The following SEZ6L variants were observed in gnomAD, a reference collection of about 807,000 sequenced individuals.
SEZ6L encodes seizure related 6 homolog like.
A neutral mutation model predicts 106.2 loss-of-function variants in SEZ6L; 37 were observed. The ratio of observed to expected loss-of-function variants is 0.35; its 90% confidence interval spans 0.27 to 0.46. The LOEUF is 0.46. Among genes scored for constraint, SEZ6L ranks in the 20% least tolerant of loss-of-function variants. The pLI, the probability that SEZ6L is intolerant of heterozygous loss-of-function variation, is 1.00. For missense variants in SEZ6L, 1,172 were observed against 1,332.8 expected (o/e 0.88, Z 1.88); for synonymous variants, 541 against 570.4 (o/e 0.95, Z 0.73).
chr22:26,277,025 A>G (rs1483411270), intron 1 of SEZ6L, among the ~76,000 whole-genome samples: 1 of 152,156 alleles, frequency 6.6e-6, no homozygotes, highest in Non-Finnish European at 1.5e-5. Context: ...TGAATTACAA[A>G]GGAGGCCCAT....
intron 10 of SEZ6L, among the ~76,000 whole-genome samples, chr22:26,341,295 T>G (rs1287878065): frequency 6.6e-6 from 1 of 152,082 alleles, no homozygotes; most frequent in African/African-American, 2.4e-5. Context: ...TGCTATCAAA[T>G]TCAAGCTAAG....
chr22:26,313,381 C>T (rs991157932), intron 8 of SEZ6L, among the ~76,000 whole-genome samples: 7 of 152,078 alleles, frequency 4.6e-5, no homozygotes, highest in African/African-American at 7.2e-5. Context: ...ATTGGGACCC[C>T]GGGACCACCT....
chr22:26,315,647 G>A (rs983803246), intron 9 of SEZ6L, among the ~76,000 whole-genome samples: 1 of 152,038 alleles, frequency 6.6e-6, no homozygotes, highest in Admixed American at 6.5e-5. Context: ...ACCTGTTCTC[G>A]CCTCTCTCTG....
At chr22:26,371,011 A>T (rs1168332080) in intron 13 of SEZ6L, among the ~76,000 whole-genome samples, 2 of 151,654 alleles carry the variant, frequency 1.3e-5, no homozygotes, top group African/African-American at 4.8e-5. Context: ...ATCACAAAAA[A>T]AAAAAAAAAA....
chr22:26,320,153 TC>T (rs1430952518), intron 9 of SEZ6L, among the ~76,000 whole-genome samples: 2 of 152,182 alleles, frequency 1.3e-5, no homozygotes, highest in African/African-American at 4.8e-5. Flanking sequence ...AAAGGATGTG[TC>T]ATCATGGACC....
intron 16 of SEZ6L, among the ~76,000 whole-genome samples, chr22:26,378,810 G>A (rs901027887): frequency 5.3e-5 from 8 of 152,176 alleles, no homozygotes; most frequent in African/African-American, 9.7e-5. Flanking sequence ...ATCTCCCAAC[G>A]TTTGGGGGGA....
intron 1 of SEZ6L, among the ~76,000 whole-genome samples, chr22:26,273,240 C>A (rs1411497376): frequency 6.6e-6 from 1 of 152,244 alleles, no homozygotes; most frequent in African/African-American, 2.4e-5. Flanking sequence ...TTTCCCCCAC[C>A]CCAGGACAAT....
intron 1 of SEZ6L, among the ~76,000 whole-genome samples, chr22:26,212,221 A>T (rs2078181054): frequency 1.3e-5 from 2 of 152,172 alleles, no homozygotes; most frequent in South Asian, 4.1e-4. Context: ...GGCCTTTCAG[A>T]TCATGGCACG....
rs184155889 is a variant in SEZ6L, at chr22:26,335,006, T to C, written c.2016-5430T>C. ...TCTAGCTGACATCTCAATTCAGACC[T>C]CAGCGGAAAACCACACTCTGCCCTG... On this transcript the variant is annotated intron_variant, in intron 9 of 16. Coordinates refer to ENST00000248933, the MANE Select transcript of SEZ6L (RefSeq NM_021115.5). Among the ~76,000 whole-genome samples the C allele has an allele frequency of 1.3e-4, 20 of 152,284 alleles. No homozygotes were observed. In the East Asian group the frequency reaches 3.9e-3, roughly 29 times the overall value.
At chr22:26,286,023 G>T (rs183097293) in intron 1 of SEZ6L, among the ~76,000 whole-genome samples, 1 of 152,208 alleles carries the variant, frequency 6.6e-6, no homozygotes, top group Admixed American at 6.5e-5. Context: ...ATCAAGGCAG[G>T]TTGGGCGAGT....
chr22:26,295,616 G>A (rs1232981915), intron 3 of SEZ6L, among the ~76,000 whole-genome samples: 1 of 152,146 alleles, frequency 6.6e-6, no homozygotes, highest in South Asian at 2.1e-4. Flanking sequence ...GATTATTATA[G>A]TGCTTAAGAA....
At chr22:26,319,448 G>A (rs987922534) in intron 9 of SEZ6L, among the ~76,000 whole-genome samples, 2 of 152,146 alleles carry the variant, frequency 1.3e-5, no homozygotes, top group South Asian at 2.1e-4. Context: ...AGGCCCTATG[G>A]GATCTAGCTC....
At chr22:26,180,176 G>A (rs184473196) in intron 1 of SEZ6L, among the ~76,000 whole-genome samples, 7 of 152,248 alleles carry the variant, frequency 4.6e-5, no homozygotes, top group South Asian at 2.1e-4. Context: ...TACAGCAATC[G>A]CCACTGATGG....
chr22:26,377,122 TAAAAAATAA>T (rs1221793439), intron 15 of SEZ6L, among the ~76,000 whole-genome samples: 1 of 150,462 alleles, frequency 6.6e-6, no homozygotes, highest in Non-Finnish European at 1.5e-5. Context: ...GCTCGCCTCT[TAAAAAATAA>T]AAAAAATAAA....
rs140433511 is a variant in SEZ6L at position 26,296,636 on chromosome 22, C to T, written c.970-252C>T. ...TCTTACAGGACACAGCAATGGGGGC[C>T]TCACATTGCAAGTCCCTTGCAATGC... On this transcript the variant is annotated intron_variant, in intron 3 of 16. Coordinates refer to ENST00000248933, the MANE Select transcript of SEZ6L (RefSeq NM_021115.5). Among the ~76,000 whole-genome samples, 6 of 152,348 alleles carry T rather than the reference C, an allele frequency of 3.9e-5. No individual in the cohort carries two copies. The East Asian group carries it at 1.2e-3, about 29-fold the overall frequency.
At chr22:26,263,902 C>T (rs9625006) in intron 1 of SEZ6L, among the ~76,000 whole-genome samples, 32,071 of 152,122 alleles carry the variant, frequency 0.21, 3,612 homozygotes, top group African/African-American at 0.26. Context: ...GCTAGCCATG[C>T]CTCATCATCT....
At position 26,313,748 on chromosome 22, in the gene SEZ6L, T is replaced by C; in HGVS notation, c.1877-16T>C. 2 of 1,596,934 alleles carry C rather than the reference T, an allele frequency of 1.3e-6. No homozygotes were observed. The highest frequency in any genetic ancestry group is 1.7e-4 in the Middle Eastern group (1 of 5,950). On this transcript the variant is annotated splice_polypyrimidine_tract_variant and intron_variant, in intron 8 of 16. Transcript: ENST00000248933. The stretch of plus-strand genomic sequence containing the variant: ...TACAAATAAAGTCCGTCTTCTTGCC[T>C]GTCTGTCTTTTACAGCCATGTGTGG...
Position 26,204,331 on chromosome 22 carries a change from A to G in SEZ6L, c.94+34568A>G, listed in dbSNP as rs533013144. Among the ~76,000 whole-genome samples, 8 of 152,290 alleles carry G rather than the reference A, an allele frequency of 5.3e-5. No homozygotes were observed. In the East Asian group the frequency reaches 1.5e-3, roughly 29 times the overall value. The stretch of plus-strand genomic sequence containing the variant: ...CTATTGTGATGGGTGCTTGAAAATA[A>G]CAGTATAGAGGGCTTTAAAATAATA... On this transcript the variant is annotated intron_variant, in intron 1 of 16. Coordinates refer to ENST00000248933, the MANE Select transcript of SEZ6L (RefSeq NM_021115.5).
chr22:26,246,517 T>C (rs2079351624), intron 1 of SEZ6L, among the ~76,000 whole-genome samples: 1 of 152,162 alleles, frequency 6.6e-6, no homozygotes, highest in South Asian at 2.1e-4. Flanking sequence ...AAAGCCATTT[T>C]TCCCCTCTAA....
Sources: allele counts gnomAD v4.1 joint callset (sites outside exome capture counted in the v4.1 genomes callset), GRCh38; gene constraint gnomAD v4.1.1; transcripts MANE v1.5; gene names NCBI Gene and HGNC (gene_info 2026-07-23, HGNC 2026-07-21).